Variants in MACF1 observed in about 807,000 individuals in gnomAD.
MACF1 encodes microtubule-actin cross-linking factor 1.
In MACF1, 193 loss-of-function variants were observed where a neutral mutation model predicts 854.8. The ratio of observed to expected loss-of-function variants is 0.23; its 90% confidence interval spans 0.20 to 0.25. MACF1 has a LOEUF of 0.25. Ranked by LOEUF, MACF1 falls within the 10% of genes least tolerant of loss-of-function variation. MACF1 has a pLI of 1.00. For missense variants in MACF1, 7,722 were observed against 8,929.1 expected, an observed-to-expected ratio of 0.86 and a Z score of 5.45; for synonymous variants, 3,185 against 3,226.7, an observed-to-expected ratio of 0.99 and a Z score of 0.44.
intron 61 of MACF1, among the ~76,000 whole-genome samples, chr1:39,426,104 G>A (rs1557648118): frequency 6.6e-6 from 1 of 151,910 alleles, no homozygotes; most frequent in East Asian, 1.9e-4. Context: ...AAAATTAGAG[G>A]CAATTTTTAA....
At chr1:39,309,115 C>G (rs1454524666) in intron 23 of MACF1, among the ~76,000 whole-genome samples, 1 of 152,040 alleles carries the variant, frequency 6.6e-6, no homozygotes, top group East Asian at 1.9e-4. Context: ...TATTATTGTT[C>G]TCTCTGGTTA....
chr1:39,404,410 G>A (rs1642610970), intron 58 of MACF1, among the ~76,000 whole-genome samples: 1 of 151,724 alleles, frequency 6.6e-6, no homozygotes, highest in Non-Finnish European at 1.5e-5. Flanking sequence ...GGTGGAGGTT[G>A]CAGTGAACCG....
At chr1:39,104,714 T>G (rs1470424384) in intron 2 of MACF1, among the ~76,000 whole-genome samples, 2 of 152,214 alleles carry the variant, frequency 1.3e-5, no homozygotes. Flanking sequence ...GTTTACTTCA[T>G]GGTGCTGGAT....
Position 39,382,121 on chromosome 1 carries a change from A to G in MACF1, c.13817A>G (p.Asn4606Ser), listed in dbSNP as rs1650278620. The G allele has an allele frequency of 1.2e-6, 2 of 1,614,080 alleles. No individual in the cohort carries two copies. Among genetic ancestry groups the G allele is most frequent in the Non-Finnish European group, 8.5e-7 (1 of 1,180,026 alleles). ...GVLGPLSIDPNMLNAQKQQVQ... is the reference protein window; with the variant it reads ...GVLGPLSIDPSMLNAQKQQVQ... The stretch of plus-strand genomic sequence containing the variant: ...CTGGGGCCCCTGTCTATTGACCCCA[A>G]CATGTTGAATGCACAAAAGCAACAG... The change falls in exon 56 of 101, where the codon AAC becomes AGC. Residue 4606 changes from asparagine (N) to serine (S), a missense_variant. This residue lies in a region of MACF1 where 2,807 missense variants were observed against 3,235.8 expected (regional missense o/e 0.87). Transcript: ENST00000564288.
chr1:39,461,770 C>T (rs1477809560), intron 92 of MACF1, 113 bp from the exon 93 acceptor site: 17 of 784,846 alleles, frequency 2.2e-5, no homozygotes, highest in Non-Finnish European at 3.0e-5. Context: ...CCAGCCTGGG[C>T]GACAGAGCAA....
Position 39,084,506 on chromosome 1 carries a change from C to A in MACF1, c.220+68C>A. On this transcript the variant is annotated intron_variant, in intron 2 of 93. Transcript: ENST00000361689. This position sits in a 1 kb window ranked among gnomAD's most constrained non-coding sequence, Gnocchi z 5.2. ...GGAGGAATGGGCCAGGGCACAGCAG[C>A]TGTGTGGGGAGCCGAGGGGTCCTCA... 1 of 1,403,884 alleles carries A rather than the reference C, an allele frequency of 7.1e-7. No homozygotes were observed. Among genetic ancestry groups the A allele is most frequent in the Non-Finnish European group, 9.8e-7 (1 of 1,022,020 alleles). The allele number at this position is 1,403,884 out of a possible 1,614,324, so 87.0% of individuals were successfully genotyped here. A position where few individuals can be genotyped will look rare whatever the true frequency, so the allele number is the denominator to read the frequency against.
At chr1:39,272,496 T>C (rs1431044937) in intron 6 of MACF1, among the ~76,000 whole-genome samples, 2 of 152,176 alleles carry the variant, frequency 1.3e-5, no homozygotes, top group African/African-American at 2.4e-5. Flanking sequence ...GGCAGTCCAA[T>C]TGAGTTGTTT....
chr1:39,309,639 C>A lies in MACF1; in HGVS notation c.2859C>A (p.Ile953=). Residue 953 remains isoleucine (I), a synonymous_variant, in exon 24 of 101, where the codon ATC becomes ATA. Coordinates refer to ENST00000564288, the MANE Select transcript of MACF1 (RefSeq NM_001394062.1). ...HQLHVNTKSL[I]SWNYLRKDLD... ...TGCATGTTAACACCAAAAGCCTTAT[C>A]TCTTGGAACTATCTGCGTAAAGACC... 1 of 1,614,138 alleles carries A rather than the reference C, an allele frequency of 6.2e-7. No individual in the cohort carries two copies. The highest frequency in any genetic ancestry group is 8.5e-7 in the Non-Finnish European group (1 of 1,179,970).
chr1:39,264,628 T>G, intron 6 of MACF1, among the ~76,000 whole-genome samples: 1 of 151,746 alleles, frequency 6.6e-6, no homozygotes, highest in Non-Finnish European at 1.5e-5. Context: ...AGAGACCGAC[T>G]GACTTTTTTG....
intron 5 of MACF1, among the ~76,000 whole-genome samples, chr1:39,256,121 TA>T (rs1359352849): frequency 1.2e-4 from 19 of 152,166 alleles, no homozygotes; most frequent in Admixed American, 1.2e-3. Context: ...ATATAAATGC[TA>T]AATTTCCAGG....
intron 2 of MACF1, among the ~76,000 whole-genome samples, chr1:39,176,096 C>T (rs188309480): frequency 2.5e-4 from 6 of 23,946 alleles, no homozygotes; most frequent in Admixed American, 1.6e-3. Context: ...GGCGACAGAG[C>T]GAGACTCCTT....
chr1:39,269,664 G>A (rs1388797309), intron 6 of MACF1: 3 of 1,289,796 alleles, frequency 2.3e-6, no homozygotes, highest in Non-Finnish European at 3.0e-6. Flanking sequence ...CTTCTCAGAA[G>A]AGGATGGCAC....
At position 39,409,262 on chromosome 1, in the gene MACF1, C is replaced by T. The variant is rs1642871748; in HGVS notation, c.15817-13112C>T. ...GCGTGGTGGAGAATAGAGGCGGCTGCTTGTCATGCAGCCCACGGCGTGGCG... is the reference window on the plus strand; with the variant it reads ...GCGTGGTGGAGAATAGAGGCGGCTGTTTGTCATGCAGCCCACGGCGTGGCG... On this transcript the variant is annotated intron_variant, in intron 58 of 100. Transcript: ENST00000564288. The surrounding 1 kb of genome is among the most constrained non-coding windows in gnomAD (Gnocchi z 4.2). Among the ~76,000 whole-genome samples, 1 of 152,018 alleles carries T rather than the reference C, an allele frequency of 6.6e-6. No individual in the cohort carries two copies.
At chr1:39,473,523 T>G (rs1355304277) in intron 97 of MACF1, among the ~76,000 whole-genome samples, 1 of 152,206 alleles carries the variant, frequency 6.6e-6, no homozygotes, top group African/African-American at 2.4e-5. Flanking sequence ...TGCATTTGTT[T>G]CTGCTGTGCA....
At chr1:39,305,548 A>G (rs1646154043) in intron 23 of MACF1, among the ~76,000 whole-genome samples, 1 of 152,230 alleles carries the variant, frequency 6.6e-6, no homozygotes, top group South Asian at 2.1e-4. Context: ...TTAGCTTTCT[A>G]TGCACACATA....
chr1:39,235,805 G>A (rs1475296484), intron 2 of MACF1, among the ~76,000 whole-genome samples: 1 of 152,166 alleles, frequency 6.6e-6, no homozygotes, highest in African/African-American at 2.4e-5. Context: ...TACAATCATA[G>A]CTCACTACAG....
intron 2 of MACF1, among the ~76,000 whole-genome samples, chr1:39,097,873 A>C (rs1641975387): frequency 6.6e-6 from 1 of 152,192 alleles, no homozygotes; most frequent in Admixed American, 6.5e-5. Context: ...TCCCGGCCTC[A>C]GTGATTTGTG....
At chr1:39,276,945 A>G (rs1383976925) in intron 6 of MACF1, among the ~76,000 whole-genome samples, 3 of 152,190 alleles carry the variant, frequency 2.0e-5, no homozygotes, top group Non-Finnish European at 4.4e-5. Context: ...GTAGAGATCA[A>G]CTGACATAAT....
At chr1:39,140,787 C>T (rs1643323167) in intron 2 of MACF1, among the ~76,000 whole-genome samples, 2 of 151,688 alleles carry the variant, frequency 1.3e-5, no homozygotes, top group Admixed American at 6.6e-5. Flanking sequence ...TGGTGGCACA[C>T]GTCTGTAATC....
Sources: allele counts gnomAD v4.1 joint callset (sites outside exome capture counted in the v4.1 genomes callset), GRCh38; gene constraint gnomAD v4.1.1; regional missense constraint gnomAD v4.1.1; non-coding constraint Gnocchi (gnomAD v3.1); transcripts MANE v1.5; gene names NCBI Gene and HGNC (gene_info 2026-07-23, HGNC 2026-07-21).